The following FAM13A variants were observed in gnomAD, a reference collection of about 807,000 sequenced individuals.
FAM13A encodes the protein family with sequence similarity 13 member A.
In FAM13A, 76 loss-of-function variants were observed where a neutral mutation model predicts 129.6. That is an observed-to-expected ratio of 0.59 (90% CI 0.49 to 0.71). The LOEUF is 0.71. Among genes scored for constraint, FAM13A ranks in the 30% least tolerant of loss-of-function variants. The pLI is 0.00. For missense variants in FAM13A, 1,108 were observed against 1,249.3 expected (o/e 0.89, Z 1.70); for synonymous variants, 443 against 449.9 (o/e 0.98, Z 0.20).
chr4:88,914,633 C>T (rs1005542810), intron 5 of FAM13A, among the ~76,000 whole-genome samples: 4 of 152,210 alleles, frequency 2.6e-5, no homozygotes, highest in African/African-American at 9.7e-5. Flanking sequence ...TCTAAAGTGG[C>T]TCCTCTAACT....
intron 3 of FAM13A, among the ~76,000 whole-genome samples, chr4:89,011,007 C>T (rs1489541484): frequency 6.6e-6 from 1 of 152,104 alleles, no homozygotes; most frequent in East Asian, 1.9e-4. Context: ...GCCACCACGC[C>T]TGGCTAATTT....
intron 4 of FAM13A, among the ~76,000 whole-genome samples, chr4:88,945,442 C>T (rs1195187233): frequency 1.3e-5 from 2 of 152,104 alleles, no homozygotes; most frequent in African/African-American, 2.4e-5. Flanking sequence ...GACTCCCTAT[C>T]GTAGTAAGAC....
Position 88,971,791 on chromosome 4 carries a change from T to C in FAM13A, c.605+19182A>G, listed in dbSNP as rs528929513. 6.6e-5 allele frequency among the ~76,000 whole-genome samples: 10 copies of C among 152,354 alleles called. No individual in the cohort carries two copies. The South Asian group carries it at 2.1e-3, about 32-fold the overall frequency. On this transcript the variant is annotated intron_variant, in intron 4 of 23. Transcript: ENST00000264344. ...TTCTGAGTTGCTGAGATTACAGGCA[T>C]GAGCCACCGCTCCTGGAACACTTCT...
chr4:88,819,562 G>T (rs958796949), intron 7 of FAM13A, among the ~76,000 whole-genome samples: 5 of 152,080 alleles, frequency 3.3e-5, no homozygotes, highest in African/African-American at 1.2e-4. Flanking sequence ...AATATGAATT[G>T]TACAAAGAGC....
intron 7 of FAM13A, among the ~76,000 whole-genome samples, chr4:88,814,725 G>GT (rs1285520890): frequency 6.6e-6 from 1 of 151,912 alleles, no homozygotes; most frequent in Non-Finnish European, 1.5e-5. Context: ...TATCTATTAT[G>GT]TTTTTTTCTA....
intron 8 of FAM13A, among the ~76,000 whole-genome samples, chr4:88,802,841 T>G (rs1043649678): frequency 6.6e-6 from 1 of 152,150 alleles, no homozygotes; most frequent in Non-Finnish European, 1.5e-5. Context: ...AGTAGCAGGA[T>G]TCCCATGTGA....
intron 8 of FAM13A, among the ~76,000 whole-genome samples, chr4:88,800,244 A>G (rs1727144869): frequency 6.6e-6 from 1 of 152,222 alleles, no homozygotes; most frequent in Admixed American, 6.5e-5. Context: ...ACAGTTGTAT[A>G]ACAATGAGAA....
chr4:88,815,236 C>A (rs1054302531), intron 7 of FAM13A, among the ~76,000 whole-genome samples: 1 of 151,916 alleles, frequency 6.6e-6, no homozygotes, highest in African/African-American at 2.4e-5. Flanking sequence ...CTTAAACCAC[C>A]CCCCCACCTC....
At chr4:88,844,554 C>G (rs17014677) in intron 7 of FAM13A, among the ~76,000 whole-genome samples, 1 of 151,974 alleles carries the variant, frequency 6.6e-6, no homozygotes, top group African/African-American at 2.4e-5. Flanking sequence ...AAATATGACA[C>G]GTGATCGGAT....
intron 3 of FAM13A, among the ~76,000 whole-genome samples, chr4:89,010,236 T>C (rs1765559774): frequency 6.6e-6 from 1 of 152,192 alleles, no homozygotes; most frequent in African/African-American, 2.4e-5. Context: ...AACTTTAACC[T>C]CTCTACTTTG....
At chr4:89,002,048 T>TAA (rs34688113) in intron 3 of FAM13A, among the ~76,000 whole-genome samples, 2 of 140,576 alleles carry the variant, frequency 1.4e-5, no homozygotes, top group African/African-American at 2.6e-5. Flanking sequence ...GTTGTGGGGG[T>TAA]AAAAAAAAAA....
intron 5 of FAM13A, among the ~76,000 whole-genome samples, chr4:88,929,453 G>A (rs1346255364): frequency 6.6e-6 from 1 of 151,852 alleles, no homozygotes; most frequent in African/African-American, 2.4e-5. Flanking sequence ...GATTTGGGAA[G>A]TTTTCATCAA....
intron 4 of FAM13A, among the ~76,000 whole-genome samples, chr4:88,982,591 CT>C (rs1403105288): frequency 6.6e-6 from 1 of 152,150 alleles, no homozygotes; most frequent in African/African-American, 2.4e-5. Context: ...GACTAACTTC[CT>C]TTTATACGTC....
intron 4 of FAM13A, among the ~76,000 whole-genome samples, chr4:88,959,311 G>T (rs1003388778): frequency 1.3e-5 from 2 of 152,172 alleles, no homozygotes; most frequent in African/African-American, 4.8e-5. Flanking sequence ...ATCTCATATT[G>T]AAATGTAATC....
chr4:88,972,619 G>C (rs938834953), intron 4 of FAM13A, among the ~76,000 whole-genome samples: 1 of 150,522 alleles, frequency 6.6e-6, no homozygotes, highest in Non-Finnish European at 1.5e-5. Context: ...ACTTTTTTTT[G>C]GGGGGGAGAA....
intron 3 of FAM13A, among the ~76,000 whole-genome samples, chr4:89,020,038 C>T (rs914616217): frequency 1.3e-5 from 2 of 151,818 alleles, no homozygotes; most frequent in African/African-American, 4.8e-5. Flanking sequence ...TGTCTTTGGC[C>T]CAAAAGCATC....
chr4:88,922,956 T>C (rs1404499093), intron 5 of FAM13A, among the ~76,000 whole-genome samples: 1 of 152,042 alleles, frequency 6.6e-6, no homozygotes, highest in Non-Finnish European at 1.5e-5. Context: ...CTAGAAGAAA[T>C]GGATAAATTC....
chr4:88,954,756 C>T (rs561273174), intron 4 of FAM13A, among the ~76,000 whole-genome samples: 5 of 151,838 alleles, frequency 3.3e-5, no homozygotes, highest in South Asian at 2.1e-4. Flanking sequence ...TATGGTGGTG[C>T]GCGCCTATAA....
intron 7 of FAM13A, among the ~76,000 whole-genome samples, chr4:88,835,267 C>T (rs556707326): frequency 1.3e-5 from 2 of 152,258 alleles, no homozygotes; most frequent in Admixed American, 1.3e-4. Context: ...CTAGCTCATA[C>T]CCATCCATCA....
Sources: allele counts gnomAD v4.1 joint callset (sites outside exome capture counted in the v4.1 genomes callset), GRCh38; gene constraint gnomAD v4.1.1; transcripts MANE v1.5; gene names NCBI Gene and HGNC (gene_info 2026-07-23, HGNC 2026-07-21).